Variants in SLC35F3 observed in about 807,000 individuals in gnomAD.
SLC35F3 encodes the protein putative thiamine transporter SLC35F3.
Under a neutral mutation model 49.9 loss-of-function variants are expected in SLC35F3, and 25 were observed. The observed-to-expected ratio is 0.50, with a 90% CI of 0.37 to 0.70. SLC35F3 has a LOEUF of 0.70. Among genes scored for constraint, SLC35F3 ranks in the 30% least tolerant of loss-of-function variants. SLC35F3 has a pLI of 0.00. For synonymous variants in SLC35F3, 275 were observed against 265.4 expected (o/e 1.04, Z -0.35); for missense variants, 525 against 639.8 (o/e 0.82, Z 1.94).
intron 2 of SLC35F3, among the ~76,000 whole-genome samples, chr1:234,143,158 T>C (rs1412853425): frequency 6.6e-6 from 1 of 152,176 alleles, no homozygotes; most frequent in Non-Finnish European, 1.5e-5. Flanking sequence ...TCATCCTATC[T>C]AACTGCAACT....
chr1:234,111,532 A>G (rs1376898971), intron 2 of SLC35F3, among the ~76,000 whole-genome samples: 1 of 152,206 alleles, frequency 6.6e-6, no homozygotes, highest in East Asian at 1.9e-4. Flanking sequence ...ACCTCAGGTC[A>G]TCCGCCCGCC....
intron 2 of SLC35F3, among the ~76,000 whole-genome samples, chr1:234,131,931 A>AT (rs1665742694): frequency 6.6e-6 from 1 of 152,184 alleles, no homozygotes; most frequent in Non-Finnish European, 1.5e-5. Flanking sequence ...GAAAACAAAG[A>AT]TTTTGTTTAT....
intron 3 of SLC35F3, among the ~76,000 whole-genome samples, chr1:234,235,803 T>A (rs1330771189): frequency 6.6e-6 from 1 of 152,190 alleles, no homozygotes; most frequent in Non-Finnish European, 1.5e-5. Context: ...AAAAGGGCAG[T>A]TTAGATGCCT....
chr1:234,000,853 C>T (rs1663540254), intron 2 of SLC35F3, among the ~76,000 whole-genome samples: 1 of 152,180 alleles, frequency 6.6e-6, no homozygotes, highest in Admixed American at 6.5e-5. Flanking sequence ...AAGCTGAGCT[C>T]TGCTTCCTCT....
At chr1:234,202,468 T>C (rs1666913200) in intron 2 of SLC35F3, among the ~76,000 whole-genome samples, 1 of 152,242 alleles carries the variant, frequency 6.6e-6, no homozygotes, top group South Asian at 2.1e-4. Context: ...AAACAATATG[T>C]AATGGGAAAC....
At chr1:233,967,218 A>G (rs1572001419) in intron 2 of SLC35F3, among the ~76,000 whole-genome samples, 1 of 152,174 alleles carries the variant, frequency 6.6e-6, no homozygotes, top group African/African-American at 2.4e-5. Flanking sequence ...CAGTCCTATC[A>G]TAGACGCATT....
At chr1:234,222,685 C>T (rs945328944) in intron 2 of SLC35F3, among the ~76,000 whole-genome samples, 1 of 152,228 alleles carries the variant, frequency 6.6e-6, no homozygotes, top group African/African-American at 2.4e-5. Context: ...CCTGGAGGTA[C>T]TGTCCTGCAT....
intron 3 of SLC35F3, among the ~76,000 whole-genome samples, chr1:234,259,132 C>T (rs1203988571): frequency 1.3e-5 from 2 of 152,096 alleles, no homozygotes; most frequent in African/African-American, 4.8e-5. Flanking sequence ...GACCTTCAAA[C>T]CAAAAAATAG....
At chr1:234,146,651 A>T (rs531523754) in intron 2 of SLC35F3, among the ~76,000 whole-genome samples, 2 of 151,154 alleles carry the variant, frequency 1.3e-5, no homozygotes, top group Non-Finnish European at 2.9e-5. Context: ...AGTAGCTGGG[A>T]TTACAGGCAT....
intron 2 of SLC35F3, among the ~76,000 whole-genome samples, chr1:234,039,495 A>G (rs1664189689): frequency 6.6e-6 from 1 of 152,202 alleles, no homozygotes; most frequent in Admixed American, 6.5e-5. Flanking sequence ...ATTAAACTGT[A>G]TTCATTGATT....
chr1:234,110,343 G>A lies in SLC35F3; in HGVS notation c.284-121074G>A, dbSNP rs372973650. ...AGAATGTGTCAATTGATGGAAGATGGCAATGACACTCACACCGGTTCTCAA... is the reference window on the plus strand; with the variant it reads ...AGAATGTGTCAATTGATGGAAGATGACAATGACACTCACACCGGTTCTCAA... On this transcript the variant is annotated intron_variant, in intron 2 of 7. Coordinates refer to ENST00000366618, the MANE Select transcript of SLC35F3 (RefSeq NM_173508.4). Among the ~76,000 whole-genome samples the A allele has an allele frequency of 9.2e-5, 14 of 152,318 alleles. No individual in the cohort carries two copies. The East Asian group carries it at 2.5e-3, about 27-fold the overall frequency.
At chr1:234,110,474 G>T (rs1665389774) in intron 2 of SLC35F3, among the ~76,000 whole-genome samples, 1 of 152,240 alleles carries the variant, frequency 6.6e-6, no homozygotes, top group Admixed American at 6.5e-5. Context: ...TGTGGTTTTA[G>T]CACAGTGTCT....
chr1:234,090,149 C>T (rs1665020343), intron 2 of SLC35F3, among the ~76,000 whole-genome samples: 1 of 152,276 alleles, frequency 6.6e-6, no homozygotes, highest in Admixed American at 6.5e-5. Flanking sequence ...GGCTCTCAGC[C>T]CTCAGTCCTT....
Position 234,015,083 on chromosome 1 carries a change from T to C in SLC35F3, c.283+109325T>C, listed in dbSNP as rs568410997. Among the ~76,000 whole-genome samples, 13 of 152,272 alleles carry C rather than the reference T, an allele frequency of 8.5e-5. No individual in the cohort carries two copies. The East Asian group carries it at 2.3e-3, about 27-fold the overall frequency. On this transcript the variant is annotated intron_variant, in intron 2 of 7. Coordinates refer to ENST00000366618, the MANE Select transcript of SLC35F3 (RefSeq NM_173508.4). Reference sequence around the variant, plus strand: ...GTGGCTAGCTGGGTACAGTGGCTCATGCCTGTAATCCCAGCACTTTGGGAG... The same window carrying C: ...GTGGCTAGCTGGGTACAGTGGCTCACGCCTGTAATCCCAGCACTTTGGGAG...
chr1:234,320,243 C>G lies in SLC35F3; in HGVS notation c.1237+56C>G. On this transcript the variant is annotated intron_variant, in intron 7 of 7. Coordinates refer to ENST00000366618, the MANE Select transcript of SLC35F3 (RefSeq NM_173508.4). The surrounding 1 kb of genome is among the most constrained non-coding windows in gnomAD (Gnocchi z 4.8). ...ATAAGCACACACACTCAGTCACCTA[C>G]TCACACACACATACACACACTCATG... The G allele has an allele frequency of 8.0e-7, 1 of 1,242,938 alleles. No individual in the cohort carries two copies. The highest frequency in any genetic ancestry group is 1.2e-6 in the Non-Finnish European group (1 of 844,436). The allele number at this position is 1,242,938 out of a possible 1,614,324, so 77.0% of individuals were successfully genotyped here. A position where few individuals can be genotyped will look rare whatever the true frequency, so the allele number is the denominator to read the frequency against.
chr1:234,099,921 A>G (rs1665189565), intron 2 of SLC35F3, among the ~76,000 whole-genome samples: 1 of 152,238 alleles, frequency 6.6e-6, no homozygotes, highest in Non-Finnish European at 1.5e-5. Context: ...AGCATTGTAT[A>G]ATTCTGTTAA....
At chr1:234,056,201 A>C (rs879910839) in intron 2 of SLC35F3, among the ~76,000 whole-genome samples, 1 of 151,546 alleles carries the variant, frequency 6.6e-6, no homozygotes, top group Non-Finnish European at 1.5e-5. Flanking sequence ...GTTCATTTTT[A>C]TTTTCTAAGA....
At chr1:234,189,993 G>A (rs6699852) in intron 2 of SLC35F3, among the ~76,000 whole-genome samples, 7,297 of 152,180 alleles carry the variant, frequency 0.048, 574 homozygotes, top group African/African-American at 0.17. Context: ...AGGAAAGATA[G>A]TCTTTTTCAG....
intron 2 of SLC35F3, among the ~76,000 whole-genome samples, chr1:234,100,015 T>A (rs1665190434): frequency 6.6e-6 from 1 of 152,246 alleles, no homozygotes; most frequent in African/African-American, 2.4e-5. Context: ...ATATTAAACA[T>A]GGCAGTAGCA....
Sources: gnomAD v4.1 joint callset for allele counts (sites outside exome capture counted in the v4.1 genomes callset) on GRCh38, gnomAD v4.1.1 for gene constraint, Gnocchi (gnomAD v3.1) non-coding constraint, MANE v1.5 for transcripts, NCBI Gene and HGNC (gene_info 2026-07-23, HGNC 2026-07-21) for gene names.